EXOC4: variants seen among roughly 807,000 people sequenced by gnomAD.
EXOC4 encodes exocyst complex component 4.
In EXOC4, 71 loss-of-function variants were observed where a neutral mutation model predicts 107.2. The ratio of observed to expected loss-of-function variants is 0.66; its 90% confidence interval spans 0.55 to 0.81. EXOC4 has a LOEUF of 0.81. EXOC4 is among the 30% of genes least tolerant of loss of function. The probability of loss-of-function intolerance (pLI) is 0.00; values close to 1 mark genes in which losing one functional copy is unlikely to be tolerated. For missense variants in EXOC4, 1,108 were observed against 1,189.6 expected, an observed-to-expected ratio of 0.93 and a Z score of 1.01; for synonymous variants, 456 against 441.2, an observed-to-expected ratio of 1.03 and a Z score of -0.42.
intron 9 of EXOC4, among the ~76,000 whole-genome samples, chr7:133,572,519 T>TA (rs1395672004): frequency 6.6e-6 from 1 of 152,160 alleles, no homozygotes; most frequent in Admixed American, 6.5e-5. Context: ...CTTTGAACAA[T>TA]ATAATTTTTT....
intron 10 of EXOC4, among the ~76,000 whole-genome samples, chr7:133,656,973 G>T (rs1803314715): frequency 6.6e-6 from 1 of 152,150 alleles, no homozygotes; most frequent in South Asian, 2.1e-4. Context: ...TTTAACATAT[G>T]CTGTGAAGAT....
rs148051377 is a variant in EXOC4 at position 133,838,511 on chromosome 7, C to A, written c.1734+20967C>A. Among the ~76,000 whole-genome samples, 386 of 152,220 alleles carry A rather than the reference C, an allele frequency of 2.5e-3. 1 individual carries two copies. Among genetic ancestry groups the A allele is most frequent in the African/African-American group, 9.0e-3 (373 of 41,548 alleles). ...TTGTGAGTCTAGTAATAATCTCACCCCCTTTTTGGTGAGTTTATTTCTCTT... is the reference window on the plus strand; with the variant it reads ...TTGTGAGTCTAGTAATAATCTCACCACCTTTTTGGTGAGTTTATTTCTCTT... On this transcript the variant is annotated intron_variant, in intron 11 of 17. Transcript: ENST00000253861.
intron 10 of EXOC4, among the ~76,000 whole-genome samples, chr7:133,800,642 A>G (rs1796919431): frequency 6.6e-6 from 1 of 152,184 alleles, no homozygotes; most frequent in African/African-American, 2.4e-5. Flanking sequence ...AGTTGAAGCA[A>G]TCTTAGGAAC....
chr7:133,935,018 TG>T (rs1455250832), intron 13 of EXOC4, among the ~76,000 whole-genome samples: 1 of 151,422 alleles, frequency 6.6e-6, no homozygotes, highest in Non-Finnish European at 1.5e-5. Context: ...GAAATAGCAG[TG>T]GCTTAAAGAA....
At chr7:133,797,552 C>T (rs1490301317) in intron 10 of EXOC4, among the ~76,000 whole-genome samples, 1 of 152,090 alleles carries the variant, frequency 6.6e-6, no homozygotes, top group African/African-American at 2.4e-5. Flanking sequence ...TCAGGGAACA[C>T]AATGCATGGG....
At chr7:133,482,388 T>C (rs958241383) in intron 9 of EXOC4, among the ~76,000 whole-genome samples, 3 of 152,106 alleles carry the variant, frequency 2.0e-5, no homozygotes, top group Non-Finnish European at 4.4e-5. Context: ...CGAGGACCTC[T>C]CATCGCTCAC....
At chr7:133,989,563 A>G (rs1794199759) in intron 14 of EXOC4, among the ~76,000 whole-genome samples, 1 of 152,188 alleles carries the variant, frequency 6.6e-6, no homozygotes, top group South Asian at 2.1e-4. Context: ...AGAGTATGCC[A>G]TATAAGCCAA....
At chr7:133,983,812 T>C (rs1413295147) in intron 14 of EXOC4, among the ~76,000 whole-genome samples, 1 of 152,178 alleles carries the variant, frequency 6.6e-6, no homozygotes, top group East Asian at 1.9e-4. Flanking sequence ...CAAAAGTCCA[T>C]GGAAATCTAA....
At chr7:134,081,648 G>C in the EXOC4 span, among the ~76,000 whole-genome samples, 1 of 152,180 alleles carries the variant, frequency 6.6e-6, no homozygotes, top group Non-Finnish European at 1.5e-5. Flanking sequence ...GACAGGACGT[G>C]ATCATTGGTT....
intron 10 of EXOC4, among the ~76,000 whole-genome samples, chr7:133,640,864 C>CAG (rs1802837258): frequency 2.9e-5 from 3 of 104,160 alleles, no homozygotes; most frequent in African/African-American, 7.5e-5. Flanking sequence ...GACATTCTCT[C>CAG]TCTCTCTCTT....
intron 10 of EXOC4, among the ~76,000 whole-genome samples, chr7:133,762,915 G>A (rs1482322880): frequency 3.9e-5 from 6 of 151,900 alleles, no homozygotes; most frequent in African/African-American, 1.5e-4. Flanking sequence ...TTTTAATTTT[G>A]TTATGCAATT....
intron 11 of EXOC4, among the ~76,000 whole-genome samples, chr7:133,849,719 C>T (rs933165976): frequency 1.3e-5 from 2 of 152,144 alleles, no homozygotes; most frequent in South Asian, 2.1e-4. Flanking sequence ...CTGAAAGAAG[C>T]GATAACGTCT....
At chr7:133,331,573 C>T (rs1310324587) in intron 5 of EXOC4, among the ~76,000 whole-genome samples, 1 of 148,310 alleles carries the variant, frequency 6.7e-6, no homozygotes, top group Admixed American at 6.9e-5. Context: ...TCATGCCATT[C>T]TCCTGCCTCA....
intron 14 of EXOC4, among the ~76,000 whole-genome samples, chr7:133,945,230 CG>C (rs1217955346): frequency 3.9e-5 from 6 of 152,172 alleles, no homozygotes; most frequent in African/African-American, 1.4e-4. Context: ...TCAGCCTCAT[CG>C]CATTAGAAAT....
intron 9 of EXOC4, among the ~76,000 whole-genome samples, chr7:133,502,035 A>G (rs914752744): frequency 2.0e-5 from 3 of 152,170 alleles, no homozygotes; most frequent in Non-Finnish European, 2.9e-5. Context: ...TTGATTAGCA[A>G]TGGAGCAGGG....
intron 9 of EXOC4, chr7:133,601,718 T>G (rs1428225176): frequency 6.6e-6 from 1 of 152,278 alleles, no homozygotes; most frequent in Non-Finnish European, 1.5e-5. Context: ...ACAGCTCCCC[T>G]GTGCTCTCAC....
At chr7:134,100,640 C>T in the EXOC4 span, among the ~76,000 whole-genome samples, 1 of 130,740 alleles carries the variant, frequency 7.6e-6, no homozygotes, top group African/African-American at 2.6e-5. Context: ...GCTTTGAATG[C>T]TGGAAAAGAC....
At chr7:133,592,029 C>T (rs2432641) in intron 9 of EXOC4, among the ~76,000 whole-genome samples, 35,491 of 152,040 alleles carry the variant, frequency 0.23, 4,894 homozygotes, top group African/African-American at 0.37. Context: ...GTGACAAAAT[C>T]TGCACTTGAG....
At chr7:133,259,376 G>A (rs1006820104) in intron 1 of EXOC4, among the ~76,000 whole-genome samples, 1 of 151,682 alleles carries the variant, frequency 6.6e-6, no homozygotes, top group Non-Finnish European at 1.5e-5. Flanking sequence ...GGGATTACAG[G>A]CACCATGCCC....
Sources: gnomAD v4.1 joint callset for allele counts (sites outside exome capture counted in the v4.1 genomes callset) on GRCh38, gnomAD v4.1.1 for gene constraint, MANE v1.5 for transcripts, NCBI Gene and HGNC (gene_info 2026-07-23, HGNC 2026-07-21) for gene names.